IRF3: variants seen among roughly 807,000 people sequenced by gnomAD.
The protein encoded by IRF3 is interferon regulatory factor 3.
In IRF3, 29 loss-of-function variants were observed where a neutral mutation model predicts 43.2. The observed-to-expected ratio is 0.67, with a 90% confidence interval of 0.50 to 0.91. The LOEUF (loss-of-function observed/expected upper bound fraction) is 0.91, where lower values mean the gene tolerates loss of function less well. Among genes scored for constraint, IRF3 ranks in the 40% least tolerant of loss-of-function variants. The pLI is 0.00. For missense variants in IRF3, 505 were observed against 559.1 expected (o/e 0.90, Z 0.98); for synonymous variants, 228 against 233.9 (o/e 0.97, Z 0.23).
At chr19:49,661,705 G>C in intron 6 of IRF3, 2 of 440,198 alleles carry the variant, frequency 4.5e-6, no homozygotes, top group Non-Finnish European at 8.1e-6. Context: ...TCAGCCTCCC[G>C]AGTAGCTGGG....
rs2081192077 is a variant in IRF3 at position 49,659,683 on chromosome 19, C to T, written c.1249G>A (p.Glu417Lys). The T allele has an allele frequency of 6.2e-7, 1 of 1,613,832 alleles. No individual in the cohort carries two copies. Among genetic ancestry groups the T allele is most frequent in the Non-Finnish European group, 8.5e-7 (1 of 1,179,842 alleles). The change falls in exon 8 of 8, where the codon GAG (glutamate) becomes AAG (lysine). Residue 417 changes from glutamate (E) to lysine (K), a missense_variant. Coordinates refer to ENST00000377139, the MANE Select transcript of IRF3 (RefSeq NM_001571.6). ...QYKAYLQDLV[E>K]GMDFQGPGES ...CCAGGGCCCTGGAAATCCATGCCCT[C>T]CACCAAGTCCTGCAGGTAGGCCTTG...
At position 49,664,746 on chromosome 19, in the gene IRF3, G is replaced by A. The variant is rs1181039774; in HGVS notation, c.93C>T (p.Arg31=). ...GCTTCCAAGGGATGCGGAAGCGCGT[G>A]CGGCTCTTGTTCACCCAGGCCACGC... ...LEGVAWVNKS[R]TRFRIPWKHG... is the part of the protein sequence containing the mutation. Residue 31 remains arginine (R), a synonymous_variant, in exon 2 of 8, where the codon CGC becomes CGT. Transcript: ENST00000377139. 1.2e-6 allele frequency: 2 copies of A among 1,613,968 alleles called. No individual in the cohort carries two copies. Among genetic ancestry groups the A allele is most frequent in the Non-Finnish European group, 1.7e-6 (2 of 1,179,994 alleles).
chr19:49,660,027 A>ACACACACACACACACACACC (rs57168131), intron 7 of IRF3, among the ~76,000 whole-genome samples, 194 bp from the exon 8 acceptor site: 6 of 74,750 alleles, frequency 8.0e-5, no homozygotes, highest in South Asian at 3.8e-4. Flanking sequence ...ACACACACAC[A>ACACACACACACACACACACC]CCCCCTGCTG....
chr19:49,664,970 G>A (rs1011302720), intron 1 of IRF3, 124 bp from the exon 2 acceptor site: 8 of 1,018,556 alleles, frequency 7.9e-6, no homozygotes, highest in African/African-American at 6.5e-5. Flanking sequence ...TATTTTCGGG[G>A]GTACAAACAG....
In IRF3 at chr19:49,665,655, G is replaced by A. The variant is rs1020622789; in HGVS notation, c.-33C>T. 1.1e-5 allele frequency: 9 copies of A among 840,280 alleles called. No individual in the cohort carries two copies. Among genetic ancestry groups the A allele is most frequent in the South Asian group, 5.5e-5 (3 of 54,796 alleles). 52.1% of individuals were successfully genotyped at this position (840,280 alleles called of 1,614,324 possible). A position where few individuals can be genotyped will look rare whatever the true frequency, so the allele number is the denominator to read the frequency against. On this transcript the variant is annotated 5_prime_UTR_variant, in exon 1 of 8. Transcript: ENST00000377139. ...CCTACGATGGAAGGTCGGGGCGTGC[G>A]GGCAGCTGGAACCCACCCCTGTCTT... is the stretch of plus-strand genomic sequence containing the variant.
chr19:49,664,610 C>T, intron 2 of IRF3, 64 bp downstream of exon 2: 1 of 1,610,778 alleles, frequency 6.2e-7, no homozygotes. Flanking sequence ...GCCGGGCCCA[C>T]TAGGAGTCCT....
rs974849430 is a variant in IRF3 at position 49,665,617 on chromosome 19, C to A, written c.-9+14G>T. ...CGGACGCCACCAACGCTCTCCCGGG[C>A]TCTTCCGCGTTACCTACGATGGAAG... On this transcript the variant is annotated intron_variant, in intron 1 of 7. Transcript: ENST00000377139. 3.2e-6 allele frequency: 2 copies of A among 617,102 alleles called. No homozygotes were observed. Among genetic ancestry groups the A allele is most frequent in the South Asian group, 2.1e-5 (1 of 47,208 alleles). The allele number at this position is 617,102 out of a possible 1,614,324, so 38.2% of individuals were successfully genotyped here.
chr19:49,665,224 C>T, intron 1 of IRF3: 1 of 218,466 alleles, frequency 4.6e-6, no homozygotes, highest in Non-Finnish European at 9.3e-6. Context: ...AAGCCTCTAC[C>T]TCCTGCACTT....
intron 7 of IRF3, among the ~76,000 whole-genome samples, 194 bp from the exon 8 acceptor site, chr19:49,660,027 A>ACACACACACACC (rs57168131): frequency 1.6e-4 from 12 of 74,748 alleles, no homozygotes; most frequent in African/African-American, 7.9e-4. Context: ...ACACACACAC[A>ACACACACACACC]CCCCCTGCTG....
At chr19:49,662,728 C>T in intron 4 of IRF3, 111 bp from the exon 5 acceptor site, 5 of 847,398 alleles carry the variant, frequency 5.9e-6, no homozygotes, top group South Asian at 1.7e-5. Context: ...TGAGCTCTGC[C>T]TTCAAGGGGC....
At chr19:49,664,358 A>G in intron 2 of IRF3, 1 of 1,007,476 alleles carries the variant, frequency 9.9e-7, no homozygotes, top group Non-Finnish European at 1.4e-6. Context: ...TTCAAGAACC[A>G]TCCCCCAGTA....
Position 49,660,017 on chromosome 19 carries a change from ACACACACACAC to A in IRF3, c.1099-195_1099-185del, listed in dbSNP as rs1392593052. On this transcript the variant is annotated intron_variant, in intron 7 of 7. Transcript: ENST00000377139. ...CACACACACACACACACACACACAC[ACACACACACAC>A]CCCCTGCTGTAACTGAACCATAGGC... Among the ~76,000 whole-genome samples the A allele has an allele frequency of 6.6e-3, 791 of 119,334 alleles. 8 individuals are homozygous for A. Among genetic ancestry groups the A allele is most frequent in the African/African-American group, 0.03 (723 of 24,072 alleles). The allele number at this position is 119,334 out of a possible 152,430, so 78.3% of individuals were successfully genotyped here. A position where few individuals can be genotyped will look rare whatever the true frequency, so the allele number is the denominator to read the frequency against.
At chr19:49,664,397 C>G (rs1208576181) in intron 2 of IRF3, 1 of 1,375,646 alleles carries the variant, frequency 7.3e-7, no homozygotes, top group East Asian at 3.3e-5. Context: ...GCCCCGGCCT[C>G]TAGAAAGCCC....
rs2081601531 is a variant in IRF3 at position 49,665,020 on chromosome 19, T to TC, written c.-8-175dup. 3 of 670,524 alleles carry TC rather than the reference T, an allele frequency of 4.5e-6. No homozygotes were observed. The South Asian group carries it at 6.0e-5, about 13-fold the overall frequency. The allele number at this position is 670,524 out of a possible 1,614,324, so 41.5% of individuals were successfully genotyped here. A position where few individuals can be genotyped will look rare whatever the true frequency, so the allele number is the denominator to read the frequency against. On this transcript the variant is annotated intron_variant, in intron 1 of 7. Coordinates refer to ENST00000377139, the MANE Select transcript of IRF3 (RefSeq NM_001571.6). ...CCATCCTCCCATCCTCCCGAGAGGC[T>TC]CTCTAATCAGCTAGGGTTCCTTCCC...
At position 49,663,496 on chromosome 19, in the gene IRF3, C is replaced by T. The variant is rs1417180670; in HGVS notation, c.184G>A (p.Gly62Ser). The T allele has an allele frequency of 6.2e-7, 1 of 1,614,100 alleles. No homozygotes were observed. Among genetic ancestry groups the T allele is most frequent in the South Asian group, 1.1e-5 (1 of 91,084 alleles). ...GIFQAWAEAT[G>S]AYVPGRDKPD... is the part of the protein sequence containing the mutation. Reference sequence around the variant, plus strand: ...TTATCCCTCCCGGGAACATATGCACCAGTGGCCTCGGCCCAGGCCTGGGGC... The same window carrying T: ...TTATCCCTCCCGGGAACATATGCACTAGTGGCCTCGGCCCAGGCCTGGGGC... The change falls in exon 3 of 8, where the codon GGT becomes AGT. Residue 62 changes from glycine (G) to serine (S), a missense_variant. Physicochemically the swap from Gly to Ser is moderately conservative, Grantham distance 56. Transcript: ENST00000377139.
intron 7 of IRF3, among the ~76,000 whole-genome samples, chr19:49,660,383 G>C (rs569771629): frequency 1.8e-4 from 27 of 152,262 alleles, no homozygotes; most frequent in African/African-American, 6.3e-4. Flanking sequence ...TGAGGGATCG[G>C]CTGCTCCTTA....
intron 2 of IRF3, 57 bp from the exon 3 acceptor site, chr19:49,663,571 G>C (rs1247240704): frequency 6.4e-7 from 1 of 1,568,786 alleles, no homozygotes; most frequent in Non-Finnish European, 8.7e-7. Flanking sequence ...CCTGCTCCTG[G>C]GGCCCTAACC....
At chr19:49,660,956 G>T in intron 6 of IRF3, 128 bp from the exon 7 acceptor site, 1 of 1,109,778 alleles carries the variant, frequency 9.0e-7, no homozygotes, top group Non-Finnish European at 1.2e-6. Context: ...CCAGGGGACT[G>T]CTTGTTTGGG....
In IRF3 at chr19:49,663,482, G is replaced by A. The variant is rs758809628; in HGVS notation, c.198C>T (p.Pro66=). The part of the protein sequence containing the change: ...AWAEATGAYV[P]GRDKPDLPTW... ...TTGGCAGGTCTGGCTTATCCCTCCCGGGAACATATGCACCAGTGGCCTCGG... is the reference window on the plus strand; with the variant it reads ...TTGGCAGGTCTGGCTTATCCCTCCCAGGAACATATGCACCAGTGGCCTCGG... Residue 66 remains proline, a synonymous_variant, in exon 3 of 8, where the codon CCC becomes CCT. Coordinates refer to ENST00000377139, the MANE Select transcript of IRF3 (RefSeq NM_001571.6). 1.2e-5 allele frequency: 19 copies of A among 1,614,036 alleles called. No individual in the cohort carries two copies. Among genetic ancestry groups the A allele is most frequent in the South Asian group, 8.8e-5 (8 of 91,086 alleles).
Sources: gnomAD v4.1 joint callset for allele counts (sites outside exome capture counted in the v4.1 genomes callset) on GRCh38, gnomAD v4.1.1 for gene constraint, MANE v1.5 for transcripts, NCBI Gene and HGNC (gene_info 2026-07-23, HGNC 2026-07-21) for gene names.